The following LMNB1 variants were observed in gnomAD, a reference collection of about 807,000 sequenced individuals.
LMNB1 encodes lamin B1.
A neutral mutation model predicts 67.1 loss-of-function variants in LMNB1; 23 were observed. The observed-to-expected ratio is 0.34, with a 90% CI of 0.25 to 0.49. The LOEUF (loss-of-function observed/expected upper bound fraction) is 0.49. Ranked by LOEUF, LMNB1 falls within the 20% of genes least tolerant of loss-of-function variation. The pLI is 0.99. For synonymous variants in LMNB1, 281 were observed against 282.9 expected (o/e 0.99, Z 0.07); for missense variants, 634 against 746.5 (o/e 0.85, Z 1.76).
intron 1 of LMNB1, among the ~76,000 whole-genome samples, chr5:126,795,540 T>C (rs530134792): frequency 1.3e-5 from 2 of 152,356 alleles, no homozygotes; most frequent in South Asian, 2.1e-4. Flanking sequence ...CCTAAAGTTA[T>C]CACCTAGTAA....
intron 6 of LMNB1, among the ~76,000 whole-genome samples, chr5:126,820,555 T>C (rs1454989825): frequency 1.3e-5 from 2 of 152,170 alleles, no homozygotes; most frequent in Non-Finnish European, 2.9e-5. Flanking sequence ...AGACAGGTTT[T>C]CACTCTGTCA....
chr5:126,780,527 A>G (rs536267980), intron 1 of LMNB1, among the ~76,000 whole-genome samples: 1 of 152,368 alleles, frequency 6.6e-6, no homozygotes, highest in Admixed American at 6.5e-5. Context: ...GTGTATTAGA[A>G]TCAATGAAAT....
chr5:126,827,736 A>G (rs967941409), intron 9 of LMNB1, among the ~76,000 whole-genome samples: 1 of 152,244 alleles, frequency 6.6e-6, no homozygotes, highest in Non-Finnish European at 1.5e-5. Context: ...GACATTAGGA[A>G]TAAGAGCAAA....
At chr5:126,824,530 T>C (rs1018559536) in intron 8 of LMNB1, among the ~76,000 whole-genome samples, 1 of 152,292 alleles carries the variant, frequency 6.6e-6, no homozygotes, top group East Asian at 1.9e-4. Flanking sequence ...ATAGGACATA[T>C]TAGTTTTAGG....
At chr5:126,811,985 T>A in intron 5 of LMNB1, 87 bp downstream of exon 5, 1 of 1,312,236 alleles carries the variant, frequency 7.6e-7, no homozygotes, top group Non-Finnish European at 1.1e-6. Context: ...CTGATGTCAC[T>A]CCTCCCTCTG....
intron 5 of LMNB1, among the ~76,000 whole-genome samples, chr5:126,816,287 T>C (rs1023944192): frequency 1.3e-5 from 2 of 152,170 alleles, no homozygotes; most frequent in Admixed American, 1.3e-4. Context: ...CATATACTAC[T>C]CTGGAATTTA....
chr5:126,801,566 A>G (rs1751288387), intron 1 of LMNB1, among the ~76,000 whole-genome samples: 1 of 152,226 alleles, frequency 6.6e-6, no homozygotes, highest in South Asian at 2.1e-4. Context: ...TGAACACAGT[A>G]TCTTTCACTT....
chr5:126,825,441 A>G (rs1751972370), intron 8 of LMNB1, among the ~76,000 whole-genome samples: 1 of 152,184 alleles, frequency 6.6e-6, no homozygotes, highest in South Asian at 2.1e-4. Context: ...ACCAGTTTCC[A>G]TAAGATTATT....
intron 1 of LMNB1, among the ~76,000 whole-genome samples, chr5:126,800,971 A>AATTT (rs1561742472): frequency 1.7e-5 from 1 of 57,828 alleles, no homozygotes; most frequent in African/African-American, 5.9e-5. Context: ...ATATATATAT[A>AATTT]TATATATATA....
chr5:126,789,039 G>C (rs1750883350), intron 1 of LMNB1, among the ~76,000 whole-genome samples: 1 of 151,970 alleles, frequency 6.6e-6, no homozygotes, highest in Admixed American at 6.6e-5. Context: ...GGGACTACAG[G>C]CACACACCAC....
At position 126,832,733 on chromosome 5, in the gene LMNB1, C is replaced by G. The variant is rs759198953; in HGVS notation, c.1651C>G (p.Pro551Ala). 6 of 1,612,980 alleles carry G rather than the reference C, an allele frequency of 3.7e-6. No individual in the cohort carries two copies. In the South Asian group the frequency reaches 6.6e-5, roughly 18 times the overall value. ...QRSTVFKTTI[P>A]EEEEEEEEAA... is the part of the protein sequence containing the mutation. Reference sequence around the variant, plus strand: ...AAGTACAGTCTTTAAAACAACCATACCTGAAGAAGAGGAGGAGGAGGAAGA... The same window carrying G: ...AAGTACAGTCTTTAAAACAACCATAGCTGAAGAAGAGGAGGAGGAGGAAGA... The change falls in exon 10 of 11, where the codon CCT becomes GCT. Residue 551 changes from proline (P) to alanine (A), a missense_variant. Pro to Ala is a conservative substitution (Grantham distance 27, BLOSUM62 -1). Coordinates refer to ENST00000261366, the MANE Select transcript of LMNB1 (RefSeq NM_005573.4).
intron 1 of LMNB1, among the ~76,000 whole-genome samples, chr5:126,797,617 G>A (rs1165828266): frequency 1.3e-5 from 2 of 152,176 alleles, no homozygotes; most frequent in Non-Finnish European, 2.9e-5. Flanking sequence ...CAGTTCTACA[G>A]GTTTCTGCAC....
At chr5:126,799,561 A>G (rs1159685079) in intron 1 of LMNB1, among the ~76,000 whole-genome samples, 5 of 152,244 alleles carry the variant, frequency 3.3e-5, no homozygotes, top group African/African-American at 1.2e-4. Context: ...GACATGGCCT[A>G]GTGCCTGACC....
At chr5:126,797,026 T>C (rs561542446) in intron 1 of LMNB1, among the ~76,000 whole-genome samples, 33 of 152,326 alleles carry the variant, frequency 2.2e-4, no homozygotes, top group Non-Finnish European at 3.7e-4. Flanking sequence ...TGGCCTCATA[T>C]GATCCACCCG....
At position 126,826,121 on chromosome 5, in the gene LMNB1, A is replaced by T; in HGVS notation, c.1611+14A>T. On this transcript the variant is annotated intron_variant, in intron 9 of 10. Coordinates refer to ENST00000261366, the MANE Select transcript of LMNB1 (RefSeq NM_005573.4). The stretch of plus-strand genomic sequence containing the variant: ...TCTCAGGGAGAGGTATGGCCAGTTT[A>T]TCAGGACCACCACAATGTTAATTTC... 1 of 1,604,300 alleles carries T rather than the reference A, an allele frequency of 6.2e-7. No individual in the cohort carries two copies. Among genetic ancestry groups the T allele is most frequent in the Non-Finnish European group, 8.5e-7 (1 of 1,173,694 alleles).
At chr5:126,813,623 A>G (rs1292071632) in intron 5 of LMNB1, among the ~76,000 whole-genome samples, 2 of 152,214 alleles carry the variant, frequency 1.3e-5, no homozygotes, top group Non-Finnish European at 2.9e-5. Context: ...AGATCAAGGC[A>G]CTGGCAGATT....
chr5:126,828,897 T>G (rs1752065405), intron 9 of LMNB1, among the ~76,000 whole-genome samples: 1 of 152,098 alleles, frequency 6.6e-6, no homozygotes, highest in Admixed American at 6.6e-5. Context: ...TCTAATACCT[T>G]CAGCTTGCGA....
chr5:126,816,876 T>C (rs1227147924), intron 5 of LMNB1, among the ~76,000 whole-genome samples: 2 of 152,206 alleles, frequency 1.3e-5, no homozygotes, highest in African/African-American at 2.4e-5. Context: ...TGGTTTAAGA[T>C]AGTGTTTGTC....
At chr5:126,834,480 CAA>C (rs766991225) in intron 10 of LMNB1, among the ~76,000 whole-genome samples, 1 of 152,182 alleles carries the variant, frequency 6.6e-6, no homozygotes, top group Non-Finnish European at 1.5e-5. Flanking sequence ...TTCTCTTAGT[CAA>C]AGTCATGAGG....
Sources: allele counts gnomAD v4.1 joint callset (sites outside exome capture counted in the v4.1 genomes callset), GRCh38; gene constraint gnomAD v4.1.1; transcripts MANE v1.5; gene names NCBI Gene and HGNC (gene_info 2026-07-23, HGNC 2026-07-21).